CCDC187: variants seen among roughly 807,000 people sequenced by gnomAD.
CCDC187 encodes the protein coiled-coil domain containing 187.
In CCDC187, 32 loss-of-function variants were observed where a neutral mutation model predicts 38.0. The ratio of observed to expected loss-of-function variants is 0.84; its 90% CI spans 0.64 to 1.13. The LOEUF is 1.13. Among genes scored for constraint, CCDC187 ranks in the 50% most tolerant of loss-of-function variants. CCDC187 has a pLI of 0.00. For missense variants in CCDC187, 707 were observed against 786.8 expected (o/e 0.90, Z 1.21); for synonymous variants, 333 against 347.9 (o/e 0.96, Z 0.48).
intron 9 of CCDC187, among the ~76,000 whole-genome samples, chr9:136,283,600 G>A (rs1190603215): frequency 6.6e-6 from 1 of 152,246 alleles, no homozygotes. Context: ...GGCTGTGGGG[G>A]TGGAGGGCAC....
chr9:136,294,347 C>T (rs1451281727), intron 4 of CCDC187, among the ~76,000 whole-genome samples: 1 of 152,250 alleles, frequency 6.6e-6, no homozygotes, highest in African/African-American at 2.4e-5. Context: ...CACATTCACT[C>T]ACACACACTG....
chr9:136,262,495 G>T (rs969886404), intron 18 of CCDC187, 33 bp from the exon 19 acceptor site: 60 of 986,152 alleles, frequency 6.1e-5, no homozygotes, highest in Non-Finnish European at 6.9e-5. Context: ...GCCTGGCAAG[G>T]CCACCTCTGC....
At chr9:136,297,414 T>G (rs1831563016) in intron 4 of CCDC187, among the ~76,000 whole-genome samples, 1 of 152,230 alleles carries the variant, frequency 6.6e-6, no homozygotes, top group Admixed American at 6.5e-5. Context: ...CTCTGGGTGT[T>G]GAGAGGACAA....
chr9:136,251,360 GC>G lies in CCDC187; in HGVS notation c.*2233del. ...TGGGCCACTGATCCCCAGAGGAAAA[GC>G]CCCCGGCCGTGCGGGCTGCGCAGAA... On this transcript the variant is annotated 3_prime_UTR_variant, in exon 26 of 26. Transcript: ENST00000638797. 1 of 275,038 alleles carries G rather than the reference GC, an allele frequency of 3.6e-6. No individual in the cohort carries two copies. Among genetic ancestry groups the G allele is most frequent in the South Asian group, 3.6e-5 (1 of 28,164 alleles). The allele number at this position is 275,038 out of a possible 1,614,324, so 17.0% of individuals were successfully genotyped here.
intron 14 of CCDC187, among the ~76,000 whole-genome samples, chr9:136,270,728 CA>C (rs1276805602): frequency 1.3e-5 from 2 of 152,172 alleles, no homozygotes; most frequent in Admixed American, 1.3e-4. Context: ...CTTTCATGGT[CA>C]GCTAAGTAAC....
intron 10 of CCDC187, among the ~76,000 whole-genome samples, chr9:136,280,377 C>T (rs1012420370): frequency 4.6e-5 from 7 of 152,226 alleles, no homozygotes; most frequent in Non-Finnish European, 7.3e-5. Flanking sequence ...GAGGCTCCCA[C>T]ACCCTGGAGA....
At chr9:136,256,956 C>CTTTCTACA (rs1461222252) in intron 22 of CCDC187, 115 bp from the exon 23 acceptor site, 1 of 152,258 alleles carries the variant, frequency 6.6e-6, no homozygotes, top group Non-Finnish European at 1.5e-5. Flanking sequence ...TGGTGTACAC[C>CTTTCTACA]TTTCTACAGT....
Position 136,252,411 on chromosome 9 carries a change from C to T in CCDC187, c.*1183G>A, listed in dbSNP as rs1443109856. ...GGTCCAGGCAACCGTCCCGCACAGC[C>T]GGCCGCCCACCCTGTCCACCGGGGG... On this transcript the variant is annotated 3_prime_UTR_variant, in exon 26 of 26. Transcript: ENST00000638797. The T allele has an allele frequency of 1.2e-4, 24 of 200,824 alleles. No homozygotes were observed. Among genetic ancestry groups the T allele is most frequent in the Non-Finnish European group, 1.8e-4 (17 of 96,462 alleles). The allele number at this position is 200,824 out of a possible 1,614,324, so 12.4% of individuals were successfully genotyped here. A position where few individuals can be genotyped will look rare whatever the true frequency, so the allele number is the denominator to read the frequency against.
At chr9:136,275,477 T>C (rs1830914180) in intron 12 of CCDC187, among the ~76,000 whole-genome samples, 1 of 151,620 alleles carries the variant, frequency 6.6e-6, no homozygotes, top group Non-Finnish European at 1.5e-5. Flanking sequence ...CCCACACGCG[T>C]GCACACACCC....
intron 12 of CCDC187, among the ~76,000 whole-genome samples, 191 bp downstream of exon 12, chr9:136,276,003 T>C (rs1031637111): frequency 0.11 from 16,375 of 152,146 alleles, 1,204 homozygotes; most frequent in Admixed American, 0.19. Flanking sequence ...CCAGGACACA[T>C]GTGGCTGAAA....
At chr9:136,278,099 C>G (rs1830968106) in intron 10 of CCDC187, among the ~76,000 whole-genome samples, 1 of 152,250 alleles carries the variant, frequency 6.6e-6, no homozygotes, top group African/African-American at 2.4e-5. Context: ...AGTGAAGACA[C>G]TCTTACACTT....
At chr9:136,276,605 C>G (rs1830935145) in intron 11 of CCDC187, 46 bp downstream of exon 11, 1 of 152,204 alleles carries the variant, frequency 6.6e-6, no homozygotes, top group South Asian at 2.1e-4. Context: ...TCCCGGCTCA[C>G]CACCTAGCAG....
At chr9:136,283,644 G>T (rs1298979793) in intron 9 of CCDC187, among the ~76,000 whole-genome samples, 2 of 152,224 alleles carry the variant, frequency 1.3e-5, no homozygotes, top group South Asian at 2.1e-4. Context: ...GAATGTCTGG[G>T]TGCCATTGCC....
intron 14 of CCDC187, among the ~76,000 whole-genome samples, chr9:136,270,547 C>T (rs1330359416): frequency 6.6e-6 from 1 of 152,178 alleles, no homozygotes; most frequent in Admixed American, 6.5e-5. Flanking sequence ...TAAAGAGGAA[C>T]CAGGAGTATG....
At chr9:136,272,369 A>G (rs1554762559) in intron 14 of CCDC187, among the ~76,000 whole-genome samples, 1 of 152,230 alleles carries the variant, frequency 6.6e-6, no homozygotes, top group African/African-American at 2.4e-5. Flanking sequence ...AAACATTTAA[A>G]ATAAGCCTGG....
intron 4 of CCDC187, among the ~76,000 whole-genome samples, chr9:136,295,417 G>A (rs1042262071): frequency 1.2e-4 from 19 of 152,168 alleles, no homozygotes; most frequent in African/African-American, 3.6e-4. Flanking sequence ...ATTTTTTTAC[G>A]AGAGGATTTT....
chr9:136,288,681 G>A (rs1334064637), intron 7 of CCDC187, among the ~76,000 whole-genome samples: 3 of 152,224 alleles, frequency 2.0e-5, no homozygotes, highest in Non-Finnish European at 4.4e-5. Flanking sequence ...AGCAAAGTTG[G>A]GGGAGGTCTT....
upstream of CCDC187, among the ~76,000 whole-genome samples, chr9:136,305,155 T>C (rs1481957841): frequency 3.3e-5 from 5 of 152,130 alleles, no homozygotes; most frequent in African/African-American, 1.2e-4. Context: ...AGGCAGGCCC[T>C]GCGTATAATG....
chr9:136,286,047 G>C, intron 8 of CCDC187, 38 bp downstream of exon 8: 1 of 398,152 alleles, frequency 2.5e-6, no homozygotes, highest in South Asian at 1.3e-4. Context: ...GGACCCCCTG[G>C]CCACCCAGCG....
Sources: gnomAD v4.1 joint callset for allele counts (sites outside exome capture counted in the v4.1 genomes callset) on GRCh38, gnomAD v4.1.1 for gene constraint, MANE v1.5 for transcripts, NCBI Gene and HGNC (gene_info 2026-07-23, HGNC 2026-07-21) for gene names.